The following TTN variants were observed in gnomAD, a reference collection of about 807,000 sequenced individuals.
TTN encodes the protein connectin.
Under a neutral mutation model 3,223.0 loss-of-function variants are expected in TTN, and 1,525 were observed. The ratio of observed to expected loss-of-function variants is 0.47; its 90% CI spans 0.45 to 0.49. TTN has a LOEUF of 0.49. Among genes scored for constraint, TTN ranks in the 20% least tolerant of loss-of-function variants. The probability of loss-of-function intolerance (pLI) is 0.00; values close to 1 mark genes in which losing one functional copy is unlikely to be tolerated. For synonymous variants in TTN, 14,094 were observed against 15,161.0 expected (o/e 0.93, Z 5.17); for missense variants, 40,786 against 43,424.0 (o/e 0.94, Z 5.40).
At chr2:178,805,825 T>C (rs1445020735) in intron 1 of TTN, among the ~76,000 whole-genome samples, 1 of 152,190 alleles carries the variant, frequency 6.6e-6, no homozygotes, top group East Asian at 1.9e-4. Context: ...GCCTATGCTT[T>C]CATAAAGTAA....
chr2:178,682,992 T>A (rs1164793880), intron 134 of TTN, 89 bp from the exon 135 acceptor site: 19 of 1,307,952 alleles, frequency 1.5e-5, no homozygotes, highest in Non-Finnish European at 2.0e-5. Flanking sequence ...TTTTATTCTT[T>A]TGCGTTTGTT....
rs773975500 is a variant in TTN, at chr2:178,575,996, G to A, written c.70136C>T (p.Thr23379Ile). 10 of 1,612,100 alleles carry A rather than the reference G, an allele frequency of 6.2e-6. No individual in the cohort carries two copies. In the South Asian group the frequency reaches 1.1e-4, roughly 18 times the overall value. The stretch of plus-strand genomic sequence containing the variant: ...GTTTTTCAGGTTGATGTTATCTTTG[G>A]TCCATGTCACTTCAGGAGCAGGACG... ...KGRPAPEVTW[T>I]KDNINLKNRA... Residue 23379 changes from threonine (T) to isoleucine (I), a missense_variant, in exon 326 of 363, where the codon ACC becomes ATC. Transcript: ENST00000589042. The surrounding 1 kb of genome is among the most constrained non-coding windows in gnomAD (Gnocchi z 4.0).
chr2:178,602,531 G>T lies in TTN; in HGVS notation c.54871C>A (p.Leu18291Ile). 1 of 1,603,130 alleles carries T rather than the reference G, an allele frequency of 6.2e-7. No individual in the cohort carries two copies. The stretch of plus-strand genomic sequence containing the variant: ...TCTTTGGCTGGAGGTTTCCATCCTA[G>T]TGAGATGCTTGACTTCGTTTTATCT... ...VKDKTKSSIS[L>I]GWKPPAKDGG... The change falls in exon 283 of 363, where the codon CTA (leucine) becomes ATA (isoleucine). Residue 18291 changes from leucine (L) to isoleucine (I), a missense_variant. By Grantham distance (5) the Leu-to-Ile change is conservative. Transcript: ENST00000589042.
At position 178,776,469 on chromosome 2, in the gene TTN, T is replaced by C; in HGVS notation, c.5395A>G (p.Ser1799Gly). ...SATLIVKDEKSLVEESQLPEG... is the reference protein window; with the variant it reads ...SATLIVKDEKGLVEESQLPEG... Reference sequence around the variant, plus strand: ...GGCAATTGGGATTCTTCCACAAGACTTTTCTCATCTTTAACAATAAGGGTA... The same window carrying C: ...GGCAATTGGGATTCTTCCACAAGACCTTTCTCATCTTTAACAATAAGGGTA... The change falls in exon 28 of 363, where the codon AGT becomes GGT. Residue 1799 changes from serine to glycine, a missense_variant. Coordinates refer to ENST00000589042, the MANE Select transcript of TTN (RefSeq NM_001267550.2). 6.2e-7 allele frequency: 1 copy of C among 1,608,058 alleles called. No individual in the cohort carries two copies. Among genetic ancestry groups the C allele is most frequent in the Non-Finnish European group, 8.5e-7 (1 of 1,179,988 alleles).
chr2:178,798,267 T>C (rs1162908289), intron 6 of TTN, among the ~76,000 whole-genome samples: 1 of 152,136 alleles, frequency 6.6e-6, no homozygotes, highest in Non-Finnish European at 1.5e-5. Flanking sequence ...TTTAAATTGA[T>C]CAATAAACAC....
In TTN at chr2:178,565,340, G is replaced by A; in HGVS notation, c.80792C>T (p.Thr26931Ile). The change falls in exon 326 of 363, where the codon ACA (threonine) becomes ATA (isoleucine). Residue 26931 changes from threonine to isoleucine, a missense_variant. By Grantham distance (89) the Thr-to-Ile change is moderately conservative. Transcript: ENST00000589042. Reference sequence around the variant, plus strand: ...AATGTGCAAAACAGTTGAGGTAGCTGTTTCTTCAACGTTTACTCTTGTTGT... The same window carrying A: ...AATGTGCAAAACAGTTGAGGTAGCTATTTCTTCAACGTTTACTCTTGTTGT... Reference protein sequence around the residue: ...KQTTRVNVEETATSTVLHIKE... With the variant: ...KQTTRVNVEEIATSTVLHIKE... The A allele has an allele frequency of 6.2e-6, 10 of 1,613,602 alleles. No individual in the cohort carries two copies. Among genetic ancestry groups the A allele is most frequent in the African/African-American group, 1.3e-5 (1 of 75,002 alleles).
Position 178,587,759 on chromosome 2 carries a change from C to T in TTN, c.63550G>A (p.Val21184Ile), listed in dbSNP as rs1290013861. The T allele has an allele frequency of 3.1e-6, 5 of 1,608,766 alleles. No homozygotes were observed. The highest frequency in any genetic ancestry group is 4.2e-6 in the Non-Finnish European group (5 of 1,176,756). The change falls in exon 306 of 363, where the codon GTC becomes ATC. Residue 21184 changes from valine (V) to isoleucine (I), a missense_variant. Transcript: ENST00000589042. ...ATAGGGCATCCTGCTCTCACTATGACCAGTTTCCTCATGCTGGCATCCAAA... is the reference window on the plus strand; with the variant it reads ...ATAGGGCATCCTGCTCTCACTATGATCAGTTTCCTCATGCTGGCATCCAAA... ...IDLDASMRKLVIVRAGCPIRL... is the reference protein window; with the variant it reads ...IDLDASMRKLIIVRAGCPIRL...
chr2:178,680,028 G>A lies in TTN; in HGVS notation c.33446C>T (p.Pro11149Leu), dbSNP rs2068987071. 6.2e-7 allele frequency: 1 copy of A among 1,613,044 alleles called. No individual in the cohort carries two copies. Among genetic ancestry groups the A allele is most frequent in the Admixed American group, 1.7e-5 (1 of 59,874 alleles). Residue 11149 changes from proline to leucine, a missense_variant, in exon 140 of 363, where the codon CCA (proline) becomes CTA (leucine). By Grantham distance (98) the Pro-to-Leu change is moderately conservative. Coordinates refer to ENST00000589042, the MANE Select transcript of TTN (RefSeq NM_001267550.2). The stretch of plus-strand genomic sequence containing the variant: ...TTCCTCTTCAAAGGCAACCTCTTCT[G>A]GTTCAAGTTCTTTAGGCACTTCTGG... ...RVPEVPKELE[P>L]EEVAFEEEVV...
intron 9 of TTN, among the ~76,000 whole-genome samples, chr2:178,793,158 A>C (rs2093600607): frequency 6.6e-6 from 1 of 152,174 alleles, no homozygotes; most frequent in South Asian, 2.1e-4. Context: ...CAATGTGATG[A>C]GACCCCTGTT....
Position 178,579,815 on chromosome 2 carries a change from C to T in TTN, c.67382G>A (p.Arg22461Lys). ...TPGPVVDLKV[R>K]SVSKSSCSIG... is the part of the protein sequence containing the mutation. ...GCTACAGGATGACTTAGATACAGACCTCACTTTCAGGTCCACAACTGGTCC... is the reference window on the plus strand; with the variant it reads ...GCTACAGGATGACTTAGATACAGACTTCACTTTCAGGTCCACAACTGGTCC... The change falls in exon 319 of 363, where the codon AGG becomes AAG. Residue 22461 changes from arginine (R) to lysine (K), a missense_variant. By Grantham distance (26) the Arg-to-Lys change is conservative. Coordinates refer to ENST00000589042, the MANE Select transcript of TTN (RefSeq NM_001267550.2). 1.2e-6 allele frequency: 2 copies of T among 1,613,256 alleles called. No homozygotes were observed. Among genetic ancestry groups the T allele is most frequent in the Non-Finnish European group, 1.7e-6 (2 of 1,179,490 alleles).
rs771979221 is a variant in TTN, at chr2:178,766,508, T to C, written c.9576A>G (p.Glu3192=). The C allele has an allele frequency of 1.9e-6, 3 of 1,614,136 alleles. No homozygotes were observed. The highest frequency in any genetic ancestry group is 1.7e-5 in the Admixed American group (1 of 60,020). The change falls in exon 41 of 363, where the codon GAA becomes GAG. Residue 3192 remains glutamate (E), a synonymous_variant. Transcript: ENST00000589042. ...TTCTTTCCACTACATATTTGTGTCG[T>C]TCTTGAACTTGGAAATTGATTTCAA... ...DGIEINFQVQ[E]RHKYVVERRI... is the part of the protein sequence containing the mutation.
chr2:178,564,356 T>A lies in TTN; in HGVS notation c.81776A>T (p.Asp27259Val). Residue 27259 changes from aspartate to valine, a missense_variant, in exon 326 of 363, where the codon GAT becomes GTT. Asp to Val is a radical substitution (Grantham distance 152, BLOSUM62 -3). Coordinates refer to ENST00000589042, the MANE Select transcript of TTN (RefSeq NM_001267550.2). ...TCTTGCAGTAATGGCACCACTACTA[T>A]CAGATGGTTCACTAAAGTTTCCAGC... ...NAAGNFSEPS[D>V]SSGAITARDE... The A allele has an allele frequency of 6.2e-7, 1 of 1,613,724 alleles. No individual in the cohort carries two copies. Among genetic ancestry groups the A allele is most frequent in the East Asian group, 2.2e-5 (1 of 44,804 alleles).
chr2:178,783,306 C>A (rs531912209), intron 17 of TTN, among the ~76,000 whole-genome samples: 1 of 152,156 alleles, frequency 6.6e-6, no homozygotes, highest in African/African-American at 2.4e-5. Flanking sequence ...CATGGTATCA[C>A]CAACTGGAAT....
Position 178,667,726 on chromosome 2 carries a change from AAAG to A in TTN, c.35546-8_35546-6del. 1 of 1,558,056 alleles carries A rather than the reference AAAG, an allele frequency of 6.4e-7. No individual in the cohort carries two copies. The highest frequency in any genetic ancestry group is 8.7e-7 in the Non-Finnish European group (1 of 1,149,676). On this transcript the variant is annotated splice_region_variant and splice_polypyrimidine_tract_variant and intron_variant, in intron 159 of 362. Transcript: ENST00000589042. ...CTTCTTCAGATGCTTCATAAACTTT[AAAG>A]ATATTAGTATTTAAATAATTAGGAT...
intron 7 of TTN, 77 bp from the exon 8 acceptor site, chr2:178,794,628 C>A: frequency 1.3e-6 from 2 of 1,584,956 alleles, no homozygotes; most frequent in Admixed American, 1.7e-5. Flanking sequence ...TACTGGAAAA[C>A]TGAGCCACCT....
In TTN at chr2:178,620,419, C is replaced by T; in HGVS notation, c.46102G>A (p.Glu15368Lys). The change falls in exon 248 of 363, where the codon GAA becomes AAA. Residue 15368 changes from glutamate (E) to lysine (K), a missense_variant. Transcript: ENST00000589042. ...CCAGCAGTGACAATGTATTCACCTTCATCTGGGAAGCCACAGTCTTTAATG... is the reference window on the plus strand; with the variant it reads ...CCAGCAGTGACAATGTATTCACCTTTATCTGGGAAGCCACAGTCTTTAATG... ...LTIKDCGFPD[E>K]GEYIVTAGQD... 6.2e-7 allele frequency: 1 copy of T among 1,612,314 alleles called. No individual in the cohort carries two copies. The highest frequency in any genetic ancestry group is 8.5e-7 in the Non-Finnish European group (1 of 1,178,938).
Position 178,560,070 on chromosome 2 carries a change from C to A in TTN, c.86062G>T (p.Val28688Leu). 3 of 1,613,682 alleles carry A rather than the reference C, an allele frequency of 1.9e-6. No individual in the cohort carries two copies. The highest frequency in any genetic ancestry group is 2.5e-6 in the Non-Finnish European group (3 of 1,179,788). The change falls in exon 326 of 363, where the codon GTA (valine) becomes TTA (leucine). Residue 28688 changes from valine to leucine, a missense_variant. By Grantham distance (32) the Val-to-Leu change is conservative (BLOSUM62 1). Coordinates refer to ENST00000589042, the MANE Select transcript of TTN (RefSeq NM_001267550.2). Reference sequence around the variant, plus strand: ...GTGTCATCAGATTTTTTGTATTCTACAGTATATCCAGTTATCGGGGCCCCA... The same window carrying A: ...GTGTCATCAGATTTTTTGTATTCTAAAGTATATCCAGTTATCGGGGCCCCA... ...DGGAPITGYT[V>L]EYKKSDDTDW...
rs779397403 is a variant in TTN at position 178,722,638 on chromosome 2, T to A, written c.22240+21A>T. 10 of 1,592,910 alleles carry A rather than the reference T, an allele frequency of 6.3e-6. No homozygotes were observed. In the East Asian group the frequency reaches 1.1e-4, roughly 18 times the overall value. On this transcript the variant is annotated intron_variant, in intron 76 of 362. Coordinates refer to ENST00000589042, the MANE Select transcript of TTN (RefSeq NM_001267550.2). The stretch of plus-strand genomic sequence containing the variant: ...AGAGTTAAGGAAAAAAGAATTTTTT[T>A]AATTTGTAAAATATCATCACCTTGA...
rs926188442 is a variant in TTN at position 178,609,959 on chromosome 2, T to C, written c.51464A>G (p.Glu17155Gly). Reference protein sequence around the residue: ...KQPPDPPVDVEVHNPTAEAMT... With the variant: ...KQPPDPPVDVGVHNPTAEAMT... ...TGCCTCCGCTGTAGGATTATGAACC[T>C]CTACATCTACAGGTGGATCAGGGGG... Residue 17155 changes from glutamate to glycine, a missense_variant, in exon 272 of 363, where the codon GAG (glutamate) becomes GGG (glycine). By Grantham distance (98) the Glu-to-Gly change is moderately conservative. Transcript: ENST00000589042. 2 of 1,612,192 alleles carry C rather than the reference T, an allele frequency of 1.2e-6. No homozygotes were observed.
Sources: gnomAD v4.1 joint callset for allele counts (sites outside exome capture counted in the v4.1 genomes callset) on GRCh38, gnomAD v4.1.1 for gene constraint, Gnocchi (gnomAD v3.1) non-coding constraint, MANE v1.5 for transcripts, NCBI Gene and HGNC (gene_info 2026-07-23, HGNC 2026-07-21) for gene names.